Variants in DAPK2 observed in about 807,000 individuals in gnomAD.
DAPK2 encodes the protein death associated protein kinase 2.
A neutral mutation model predicts 44.1 loss-of-function variants in DAPK2; 35 were observed. That is an observed-to-expected ratio of 0.79 (90% CI 0.61 to 1.05). The LOEUF is 1.05. DAPK2 is among the 50% of genes least tolerant of loss of function. The pLI is 0.00. For missense variants in DAPK2, 453 were observed against 483.2 expected, an observed-to-expected ratio of 0.94 and a Z score of 0.59; for synonymous variants, 174 against 182.6, an observed-to-expected ratio of 0.95 and a Z score of 0.38.
At chr15:63,991,483 G>A (rs2140910550) in intron 1 of DAPK2, 1 of 365,102 alleles carries the variant, frequency 2.7e-6, no homozygotes, top group South Asian at 2.0e-5. Context: ...CCTTGACGAT[G>A]GCTTTGAAAT....
At chr15:63,944,816 T>A (rs1372648124) in intron 3 of DAPK2, among the ~76,000 whole-genome samples, 4 of 152,106 alleles carry the variant, frequency 2.6e-5, no homozygotes, top group Admixed American at 2.0e-4. Flanking sequence ...CACCTGATAT[T>A]TGAAGTAGTC....
At chr15:63,915,740 A>C (rs1427995894) in intron 8 of DAPK2, among the ~76,000 whole-genome samples, 1 of 152,110 alleles carries the variant, frequency 6.6e-6, no homozygotes, top group Non-Finnish European at 1.5e-5. Context: ...TACACACAAC[A>C]CCACCAACCC....
Position 63,929,480 on chromosome 15 carries a change from G to T in DAPK2, c.659+71C>A, listed in dbSNP as rs190820748. On this transcript the variant is annotated intron_variant, in intron 6 of 10. Coordinates refer to ENST00000261891, the Ensembl canonical transcript of DAPK2. ...TTAGTAAATGTCAGTCTATCAGCCT[G>T]CCCCTCTCTCATTCCTTCTGGTTCC... 2.9e-4 allele frequency: 464 copies of T among 1,585,146 alleles called. 4 individuals carry two copies. In the African/African-American group the frequency reaches 5.7e-3, roughly 20 times the overall value.
intron 8 of DAPK2, among the ~76,000 whole-genome samples, chr15:63,913,976 C>T (rs2078861207): frequency 6.6e-6 from 1 of 152,202 alleles, no homozygotes; most frequent in African/African-American, 2.4e-5. Context: ...ATGTCAATGC[C>T]CTGCCCTACT....
upstream of DAPK2, among the ~76,000 whole-genome samples, chr15:64,040,713 C>T (rs1402562013): frequency 6.6e-6 from 1 of 151,974 alleles, no homozygotes; most frequent in African/African-American, 2.4e-5. Context: ...CAGTTCGAGA[C>T]CAGCCTGGCC....
In DAPK2 at chr15:63,939,139, CAG is replaced by C. The variant is rs1344927984; in HGVS notation, c.583+91_583+92del. On this transcript the variant is annotated intron_variant, in intron 4 of 10. Coordinates refer to ENST00000261891, the Ensembl canonical transcript of DAPK2. This position sits in a 1 kb window ranked among gnomAD's most constrained non-coding sequence, Gnocchi z 4.3. ...TGTCCCAATGCATCATCTCTTTGCT[CAG>C]AGGCCATAGCCCCAGACACAGGTTT... 1 of 1,557,898 alleles carries C rather than the reference CAG, an allele frequency of 6.4e-7. No homozygotes were observed. Among genetic ancestry groups the C allele is most frequent in the Non-Finnish European group, 8.7e-7 (1 of 1,154,882 alleles).
upstream of DAPK2, among the ~76,000 whole-genome samples, chr15:64,044,116 G>A (rs1370268920): frequency 6.6e-6 from 1 of 152,182 alleles, no homozygotes; most frequent in African/African-American, 2.4e-5. Flanking sequence ...GAGGCACAAG[G>A]ACCTTTCCAG....
At chr15:63,909,878 G>A (rs954264398) in intron 10 of DAPK2, 1 of 152,164 alleles carries the variant, frequency 6.6e-6, no homozygotes, top group Admixed American at 6.5e-5. Flanking sequence ...CAGGGAAGAA[G>A]GGCCAGCGGC....
intron 8 of DAPK2, chr15:63,922,902 G>A: frequency 6.5e-7 from 1 of 1,535,946 alleles, no homozygotes; most frequent in Non-Finnish European, 8.7e-7. Flanking sequence ...TCTGCGGAGA[G>A]CTCCTGCCTC....
In DAPK2 at chr15:63,923,965, C is replaced by T. The variant is rs2079164162; in HGVS notation, c.858+851G>A. On this transcript the variant is annotated intron_variant, in intron 8 of 10. Coordinates refer to ENST00000261891, the Ensembl canonical transcript of DAPK2. The surrounding 1 kb of genome is among the most constrained non-coding windows in gnomAD (Gnocchi z 4.2). ...CCTCCCAAAGTGCTGGGATTACAGG[C>T]ATGAGCCACTGCACCTGGCCTGCCT... Among the ~76,000 whole-genome samples the T allele has an allele frequency of 6.6e-6, 1 of 152,208 alleles. No homozygotes were observed. Among genetic ancestry groups the T allele is most frequent in the Non-Finnish European group, 1.5e-5 (1 of 68,032 alleles).
chr15:63,953,597 T>C (rs948377518), intron 3 of DAPK2, among the ~76,000 whole-genome samples: 7 of 152,210 alleles, frequency 4.6e-5, no homozygotes, highest in African/African-American at 1.7e-4. Flanking sequence ...TGCAGATATT[T>C]CTCCAATATA....
chr15:64,042,669 G>A (rs1158628204), upstream of DAPK2, among the ~76,000 whole-genome samples: 2 of 152,184 alleles, frequency 1.3e-5, no homozygotes, highest in African/African-American at 2.4e-5. This position sits in a 1 kb window ranked among gnomAD's most constrained non-coding sequence, Gnocchi z 4.7. Flanking sequence ...TTAGGCTTTC[G>A]CTCATCTTTC....
In DAPK2 at chr15:63,940,074, T is replaced by C. The variant is rs528204108; in HGVS notation, c.454-713A>G. Among the ~76,000 whole-genome samples, 5 of 152,290 alleles carry C rather than the reference T, an allele frequency of 3.3e-5. No homozygotes were observed. In the South Asian group the frequency reaches 1.0e-3, roughly 32 times the overall value. The stretch of plus-strand genomic sequence containing the variant: ...ACAGCCCCTCACACACCCATGGGCC[T>C]GGCCCTCACACACCCCAGACTCCCA... On this transcript the variant is annotated intron_variant, in intron 3 of 10. Transcript: ENST00000261891.
chr15:63,924,237 G>A (rs1240480217), intron 8 of DAPK2, among the ~76,000 whole-genome samples: 4 of 152,154 alleles, frequency 2.6e-5, no homozygotes, highest in Non-Finnish European at 5.9e-5. Flanking sequence ...ACTGCAAGGC[G>A]AGTTAGGCAG....
chr15:63,956,730 G>A (rs1054948798), intron 3 of DAPK2, among the ~76,000 whole-genome samples: 6 of 152,032 alleles, frequency 3.9e-5, no homozygotes, highest in Non-Finnish European at 7.4e-5. Flanking sequence ...GGGACTACAG[G>A]CACCCACCAC....
chr15:63,966,671 C>A lies in DAPK2; in HGVS notation c.453+4752G>T, dbSNP rs112361314. ...TAAATGCTCCTTCCATGGGTTCCAG[C>A]GGGGTTCTGCCTGGTATTGCTTTCT... On this transcript the variant is annotated intron_variant, in intron 3 of 10. Transcript: ENST00000261891. This position sits in a 1 kb window ranked among gnomAD's most constrained non-coding sequence, Gnocchi z 5.5. Among the ~76,000 whole-genome samples, 1 of 152,182 alleles carries A rather than the reference C, an allele frequency of 6.6e-6. No homozygotes were observed. Among genetic ancestry groups the A allele is most frequent in the Non-Finnish European group, 1.5e-5 (1 of 68,036 alleles).
chr15:64,004,954 G>A (rs930605870), intron 1 of DAPK2, among the ~76,000 whole-genome samples: 1 of 152,122 alleles, frequency 6.6e-6, no homozygotes, highest in Non-Finnish European at 1.5e-5. Flanking sequence ...TTGAGATGAA[G>A]GTTTTCATGA....
intron 2 of DAPK2, among the ~76,000 whole-genome samples, chr15:63,976,584 G>T (rs2078353654): frequency 6.6e-6 from 1 of 152,138 alleles, no homozygotes; most frequent in African/African-American, 2.4e-5. Flanking sequence ...TGGGCATGGT[G>T]ATGTGCACCT....
rs1270546921 is a variant in DAPK2 at position 63,966,086 on chromosome 15, G to A, written c.453+5337C>T. Reference sequence around the variant, plus strand: ...TGTCTCTGAGTGCACATCTCTGAGTGATACACTGGATGTCACTGCTGACTA... The same window carrying A: ...TGTCTCTGAGTGCACATCTCTGAGTAATACACTGGATGTCACTGCTGACTA... On this transcript the variant is annotated intron_variant, in intron 3 of 10. Coordinates refer to ENST00000261891, the Ensembl canonical transcript of DAPK2. This position sits in a 1 kb window ranked among gnomAD's most constrained non-coding sequence, Gnocchi z 5.5. 6.6e-6 allele frequency among the ~76,000 whole-genome samples: 1 copy of A among 152,222 alleles called. No individual in the cohort carries two copies. The highest frequency in any genetic ancestry group is 1.5e-5 in the Non-Finnish European group (1 of 68,038).
Sources: allele counts gnomAD v4.1 joint callset (sites outside exome capture counted in the v4.1 genomes callset), GRCh38; gene constraint gnomAD v4.1.1; non-coding constraint Gnocchi (gnomAD v3.1); transcripts MANE v1.5; gene names NCBI Gene and HGNC (gene_info 2026-07-23, HGNC 2026-07-21).